The following ELMO3 variants were observed in gnomAD, a reference collection of about 807,000 sequenced individuals.
ELMO3 encodes the protein engulfment and cell motility 3.
A neutral mutation model predicts 89.0 loss-of-function variants in ELMO3; 81 were observed. The observed-to-expected ratio is 0.91, with a 90% confidence interval of 0.76 to 1.09. The LOEUF is 1.09. ELMO3 is among the 50% of genes least tolerant of loss of function. The probability of loss-of-function intolerance (pLI) is 0.00; values close to 1 mark genes in which losing one functional copy is unlikely to be tolerated. For missense variants in ELMO3, 959 were observed against 972.8 expected, an observed-to-expected ratio of 0.99 and a Z score of 0.19; for synonymous variants, 406 against 400.6, an observed-to-expected ratio of 1.01 and a Z score of -0.16.
At chr16:67,200,425 C>G (rs1653048452) in intron 5 of ELMO3, 26 bp from the exon 6 acceptor site, 4 of 1,611,726 alleles carry the variant, frequency 2.5e-6, no homozygotes, top group East Asian at 4.5e-5. Context: ...GGTGGTCCTG[C>G]TCAGCCCCAG....
intron 8 of ELMO3, among the ~76,000 whole-genome samples, 171 bp downstream of exon 8, chr16:67,201,139 G>C (rs1319556322): frequency 8.6e-5 from 13 of 150,948 alleles, no homozygotes; most frequent in African/African-American, 3.2e-4. Context: ...TCTGCCTCCC[G>C]GGTTCACACC....
chr16:67,200,870 G>A lies in ELMO3; in HGVS notation c.666-20G>A, dbSNP rs1230599538. 6.2e-7 allele frequency: 1 copy of A among 1,613,736 alleles called. No homozygotes were observed. Among genetic ancestry groups the A allele is most frequent in the African/African-American group, 1.3e-5 (1 of 75,028 alleles). On this transcript the variant is annotated intron_variant, in intron 7 of 19. Coordinates refer to ENST00000393997, the MANE Select transcript of ELMO3 (RefSeq NM_024712.5). ...AGGGCTGGAGCCTGAATGTTCCACT[G>A]AGCCCTCTTCTTGCCATAGGATGAA...
At position 67,202,167 on chromosome 16, in the gene ELMO3, CG is replaced by C; in HGVS notation, c.1153-8del. 6.3e-7 allele frequency: 1 copy of C among 1,598,060 alleles called. No individual in the cohort carries two copies. Among genetic ancestry groups the C allele is most frequent in the African/African-American group, 1.3e-5 (1 of 74,836 alleles). On this transcript the variant is annotated splice_polypyrimidine_tract_variant and splice_region_variant and intron_variant, in intron 12 of 19. Coordinates refer to ENST00000393997, the MANE Select transcript of ELMO3 (RefSeq NM_024712.5). Reference sequence around the variant, plus strand: ...CTGTGACTCCTTGCCCCATTCTCTGCGCCCCCAGTTTGTGTTGGAGAACAGC... The same window carrying C: ...CTGTGACTCCTTGCCCCATTCTCTGCCCCCCAGTTTGTGTTGGAGAACAGC...
At position 67,202,168 on chromosome 16, in the gene ELMO3, G is replaced by T. The variant is rs751004910; in HGVS notation, c.1153-8G>T. Reference sequence around the variant, plus strand: ...TGTGACTCCTTGCCCCATTCTCTGCGCCCCCAGTTTGTGTTGGAGAACAGC... The same window carrying T: ...TGTGACTCCTTGCCCCATTCTCTGCTCCCCCAGTTTGTGTTGGAGAACAGC... On this transcript the variant is annotated splice_polypyrimidine_tract_variant and splice_region_variant and intron_variant, in intron 12 of 19. Coordinates refer to ENST00000393997, the MANE Select transcript of ELMO3 (RefSeq NM_024712.5). 1 of 1,598,588 alleles carries T rather than the reference G, an allele frequency of 6.3e-7. No homozygotes were observed. The highest frequency in any genetic ancestry group is 8.5e-7 in the Non-Finnish European group (1 of 1,170,284).
At chr16:67,201,049 C>G (rs112756404) in intron 8 of ELMO3, 81 bp downstream of exon 8, 1 of 927,960 alleles carries the variant, frequency 1.1e-6, no homozygotes, top group African/African-American at 2.2e-5. Flanking sequence ...CTAAGCCCCC[C>G]TTTTTTTTTT....
In ELMO3 at chr16:67,200,934, C is replaced by A. The variant is rs755197073; in HGVS notation, c.710C>A (p.Ala237Asp). Residue 237 changes from alanine to aspartate, a missense_variant, in exon 8 of 20, where the codon GCC (alanine) becomes GAC (aspartate). Transcript: ENST00000393997. ...LQTKAMALLT[A>D]LLQGASPVER... The stretch of plus-strand genomic sequence containing the variant: ...ACCAAGGCCATGGCCCTGCTGACAG[C>A]CTTGCTGCAGGGGGCCAGCCCTGTG... The A allele has an allele frequency of 4.3e-6, 7 of 1,612,362 alleles. No homozygotes were observed. The South Asian group carries it at 4.4e-5, about 10-fold the overall frequency.
At position 67,202,956 on chromosome 16, in the gene ELMO3, C is replaced by T. The variant is rs1333470154; in HGVS notation, c.1627C>T (p.Leu543Phe). The T allele has an allele frequency of 1.2e-6, 2 of 1,609,200 alleles. No individual in the cohort carries two copies. Among genetic ancestry groups the T allele is most frequent in the Admixed American group, 3.3e-5 (2 of 59,992 alleles). Residue 543 changes from leucine (L) to phenylalanine (F), a missense_variant, in exon 16 of 20, where the codon CTC becomes TTC. By Grantham distance (22) the Leu-to-Phe change is conservative. Coordinates refer to ENST00000393997, the MANE Select transcript of ELMO3 (RefSeq NM_024712.5). ...GLIRQQRLLR[L>F]CEGTLFRKIS... is the part of the protein sequence containing the mutation. ...GATCCGCCAGCAGCGCTTGCTCCGC[C>T]TCTGTGAGGGGACGCTCTTCCGCAA...
chr16:67,203,539 G>A lies in ELMO3; in HGVS notation c.1906G>A (p.Glu636Lys). 3 of 1,614,114 alleles carry A rather than the reference G, an allele frequency of 1.9e-6. No individual in the cohort carries two copies. The highest frequency in any genetic ancestry group is 2.2e-5 in the East Asian group (1 of 44,872). ...CTTCTCAATCAGCTATGACCGTGGG[G>A]AGGAGGAAGCGTACCTCAACTTCAT... ...LAFSISYDRG[E>K]EEAYLNFIAP... is the part of the protein sequence containing the mutation. The change falls in exon 19 of 20, where the codon GAG becomes AAG. Residue 636 changes from glutamate (E) to lysine (K), a missense_variant. Transcript: ENST00000393997. This position sits in a 1 kb window ranked among gnomAD's most constrained non-coding sequence, Gnocchi z 4.6.
chr16:67,200,725 G>A lies in ELMO3; in HGVS notation c.582G>A (p.Glu194=), dbSNP rs1567691391. 1.2e-6 allele frequency: 2 copies of A among 1,613,656 alleles called. No homozygotes were observed. Among genetic ancestry groups the A allele is most frequent in the Non-Finnish European group, 1.7e-6 (2 of 1,180,016 alleles). The change falls in exon 7 of 20, where the codon GAG becomes GAA. Residue 194 remains glutamate (E), a synonymous_variant. Coordinates refer to ENST00000393997, the MANE Select transcript of ELMO3 (RefSeq NM_024712.5). ...SVPPLALGLL[E]SVTLSSPALG... ...CTCCCCTGGCCCTTGGGCTGCTGGA[G>A]AGTGTGACCTTGAGCAGCCCAGCCC...
Position 67,202,807 on chromosome 16 carries a change from G to A in ELMO3, c.1562+17G>A, listed in dbSNP as rs1000558856. ...CCCTATACTGTGAGTCTGGGGGGAT[G>A]GATCCTCAGTCCTAGCCCTACCTTC... is the stretch of plus-strand genomic sequence containing the variant. On this transcript the variant is annotated intron_variant, in intron 15 of 19. Transcript: ENST00000393997. 2.5e-6 allele frequency: 4 copies of A among 1,612,454 alleles called. No individual in the cohort carries two copies. The highest frequency in any genetic ancestry group is 2.5e-6 in the Non-Finnish European group (3 of 1,179,362).
chr16:67,203,579 G>A lies in ELMO3; in HGVS notation c.1946G>A (p.Arg649Gln), dbSNP rs781715436. The change falls in exon 19 of 20, where the codon CGG becomes CAG. Residue 649 changes from arginine (R) to glutamine (Q), a missense_variant. Physicochemically the swap from Arg to Gln is conservative, Grantham distance 43. Transcript: ENST00000393997. The surrounding 1 kb of genome is among the most constrained non-coding windows in gnomAD (Gnocchi z 4.6). ...CTCAACTTCATTGCCCCCTCCAAGC[G>A]GGAGGTGAGTGTCCGCCAGGCTGAG... ...AYLNFIAPSK[R>Q]EFYLWTDGLS... 5.0e-6 allele frequency: 8 copies of A among 1,614,102 alleles called. No homozygotes were observed. The highest frequency in any genetic ancestry group is 1.6e-4 in the Middle Eastern group (1 of 6,062).
intron 7 of ELMO3, 35 bp from the exon 8 acceptor site, chr16:67,200,855 C>A (rs369721306): frequency 6.2e-7 from 1 of 1,613,634 alleles, no homozygotes; most frequent in Non-Finnish European, 8.5e-7. Context: ...AGGGCTGGAG[C>A]CTGAATGTTC....
chr16:67,199,200 C>T lies in ELMO3; in HGVS notation c.-127C>T. On this transcript the variant is annotated 5_prime_UTR_variant, in exon 1 of 20. Transcript: ENST00000393997. ...GGAGCAGCAGTCTGGGCCGCGAGTGCGGGACACCGAGGTCAGGTCTCGGAA... is the reference window on the plus strand; with the variant it reads ...GGAGCAGCAGTCTGGGCCGCGAGTGTGGGACACCGAGGTCAGGTCTCGGAA... 1 of 1,610,664 alleles carries T rather than the reference C, an allele frequency of 6.2e-7. No individual in the cohort carries two copies. The highest frequency in any genetic ancestry group is 1.7e-5 in the Admixed American group (1 of 59,828).
At chr16:67,201,720 C>T (rs200309966) in intron 10 of ELMO3, 22 bp from the exon 11 acceptor site, 104 of 1,607,982 alleles carry the variant, frequency 6.5e-5, no homozygotes, top group South Asian at 5.5e-4. Context: ...TCCCCTCCCC[C>T]GCCACCCAAC....
intron 12 of ELMO3, 26 bp downstream of exon 12, chr16:67,202,104 G>T (rs199503225): frequency 1.3e-6 from 2 of 1,565,952 alleles, no homozygotes; most frequent in African/African-American, 1.3e-5. Flanking sequence ...GGGTGGGGGG[G>T]TGGCAGCATC....
At position 67,201,784 on chromosome 16, in the gene ELMO3, G is replaced by C; in HGVS notation, c.961G>C (p.Glu321Gln). ...QLQVLRQAAF[E>Q]VEGESSGAGL... ...GCAGGTCCTACGCCAGGCTGCCTTC[G>C]AGGTGGAGGGGGAGTCCTCGGGTGC... The change falls in exon 11 of 20, where the codon GAG (glutamate) becomes CAG (glutamine). Residue 321 changes from glutamate (E) to glutamine (Q), a missense_variant. Physicochemically the swap from Glu to Gln is conservative, Grantham distance 29. Coordinates refer to ENST00000393997, the MANE Select transcript of ELMO3 (RefSeq NM_024712.5). 1 of 1,611,864 alleles carries C rather than the reference G, an allele frequency of 6.2e-7. No homozygotes were observed. The highest frequency in any genetic ancestry group is 8.5e-7 in the Non-Finnish European group (1 of 1,180,028).
intron 4 of ELMO3, 64 bp from the exon 5 acceptor site, chr16:67,200,128 C>T: frequency 6.3e-7 from 1 of 1,588,556 alleles, no homozygotes. Flanking sequence ...GGGCCGCACA[C>T]TTCCAGGTCC....
At chr16:67,199,794 G>A (rs8058614) in intron 3 of ELMO3, 38 bp downstream of exon 3, 64,045 of 1,602,628 alleles carry the variant, frequency 0.04, 2,713 homozygotes, top group African/African-American at 0.23. Context: ...TCGGCCTTCC[G>A]ACCCCTCTAA....
Position 67,200,366 on chromosome 16 carries a change from G to C in ELMO3, c.413+5G>C, listed in dbSNP as rs1026702533. On this transcript the variant is annotated splice_donor_5th_base_variant and intron_variant, in intron 5 of 19. Transcript: ENST00000393997. The stretch of plus-strand genomic sequence containing the variant: ...CATCATTGAAGATGGGGACGAGTGA[G>C]CACAGGGATGTGTGGGCTGGGGGAG... The C allele has an allele frequency of 9.9e-6, 16 of 1,613,620 alleles. No homozygotes were observed. The highest frequency in any genetic ancestry group is 6.7e-5 in the African/African-American group (5 of 74,934).
Sources: gnomAD v4.1 joint callset for allele counts (sites outside exome capture counted in the v4.1 genomes callset) on GRCh38, gnomAD v4.1.1 for gene constraint, Gnocchi (gnomAD v3.1) non-coding constraint, MANE v1.5 for transcripts, NCBI Gene and HGNC (gene_info 2026-07-23, HGNC 2026-07-21) for gene names.